ABCD3: variants seen among roughly 807,000 people sequenced by gnomAD.
The protein encoded by ABCD3 is ATP-binding cassette sub-family D member 3.
A neutral mutation model predicts 105.5 loss-of-function variants in ABCD3; 41 were observed. That is an observed-to-expected ratio of 0.39 (90% confidence interval 0.30 to 0.50). The LOEUF is 0.50. ABCD3 is among the 20% of genes least tolerant of loss of function. The pLI is 0.84. For synonymous variants in ABCD3, 258 were observed against 269.0 expected (o/e 0.96, Z 0.40); for missense variants, 622 against 806.3 (o/e 0.77, Z 2.77).
intron 1 of ABCD3, among the ~76,000 whole-genome samples, chr1:94,436,760 T>C (rs1659919635): frequency 6.6e-6 from 1 of 152,194 alleles, no homozygotes; most frequent in African/African-American, 2.4e-5. Context: ...GTTGTTACTA[T>C]TGTAATTGTT....
chr1:94,402,439 T>C, the ABCD3 span, among the ~76,000 whole-genome samples: 1 of 152,222 alleles, frequency 6.6e-6, no homozygotes, highest in Non-Finnish European at 1.5e-5. Flanking sequence ...TCTTTATGTA[T>C]GTGTGTGTTT....
intron 1 of ABCD3, 70 bp downstream of exon 1, chr1:94,418,658 A>G (rs1659123128): frequency 4.1e-6 from 6 of 1,475,414 alleles, no homozygotes; most frequent in East Asian, 2.5e-5. Flanking sequence ...CTCTCTCCCC[A>G]CCCGGCCGAC....
chr1:94,497,730 T>G (rs1649889938), intron 16 of ABCD3, among the ~76,000 whole-genome samples: 3 of 152,224 alleles, frequency 2.0e-5, no homozygotes. Context: ...GTTGCTGACT[T>G]GTACACTCAT....
the ABCD3 span, among the ~76,000 whole-genome samples, chr1:94,408,562 C>G: frequency 6.6e-6 from 1 of 151,984 alleles, no homozygotes; most frequent in Non-Finnish European, 1.5e-5. Flanking sequence ...CCACTGCACT[C>G]CAGCCTGGGT....
chr1:94,431,322 A>G (rs2100887682), intron 1 of ABCD3, among the ~76,000 whole-genome samples: 1 of 152,336 alleles, frequency 6.6e-6, no homozygotes, highest in East Asian at 1.9e-4. Flanking sequence ...GGTAGAAATC[A>G]ATCAACTACT....
chr1:94,400,873 G>C, the ABCD3 span, among the ~76,000 whole-genome samples: 4 of 152,170 alleles, frequency 2.6e-5, no homozygotes, highest in Non-Finnish European at 5.9e-5. Flanking sequence ...GAGAAGTAGA[G>C]CCTTTAAAGG....
chr1:94,442,615 AC>A (rs1163599224), intron 1 of ABCD3, among the ~76,000 whole-genome samples: 1 of 151,998 alleles, frequency 6.6e-6, no homozygotes, highest in Non-Finnish European at 1.5e-5. Flanking sequence ...TGCAACCCTC[AC>A]CCCGCCACCC....
chr1:94,516,768 A>G (rs1224257844), intron 22 of ABCD3, among the ~76,000 whole-genome samples: 1 of 151,880 alleles, frequency 6.6e-6, no homozygotes, highest in Non-Finnish European at 1.5e-5. Context: ...TACTAAATTA[A>G]AAACAAATAA....
chr1:94,489,944 G>A lies in ABCD3; in HGVS notation c.1291G>A (p.Gly431Arg). 6.2e-7 allele frequency: 1 copy of A among 1,613,056 alleles called. No individual in the cohort carries two copies. Residue 431 changes from glycine to arginine, a missense_variant, in exon 15 of 23, where the codon GGA becomes AGA. Transcript: ENST00000370214. ...AGTCATTCCCTTGATACCTGGTGCT[G>A]GAGAAATCATTATTGCAGATAACAT... ...VQVIPLIPGA[G>R]EIIIADNIIK... is the part of the protein sequence containing the mutation.
At chr1:94,479,823 C>T (rs1187519158) in intron 8 of ABCD3, among the ~76,000 whole-genome samples, 1 of 152,046 alleles carries the variant, frequency 6.6e-6, no homozygotes, top group African/African-American at 2.4e-5. Context: ...AGGTATGCTT[C>T]AAGCATACCT....
intron 13 of ABCD3, among the ~76,000 whole-genome samples, chr1:94,488,647 T>C (rs1002709923): frequency 2.6e-5 from 4 of 152,078 alleles, no homozygotes; most frequent in South Asian, 2.1e-4. Context: ...TTTTCCTCCT[T>C]CTTAGCTCCT....
chr1:94,499,057 G>A (rs776786497), intron 19 of ABCD3, 23 bp downstream of exon 19: 2 of 1,567,938 alleles, frequency 1.3e-6, no homozygotes, highest in South Asian at 1.1e-5. Context: ...TTATATCCTA[G>A]ATCCACTGAA....
At chr1:94,448,678 G>A (rs973317482) in intron 1 of ABCD3, among the ~76,000 whole-genome samples, 4 of 152,134 alleles carry the variant, frequency 2.6e-5, no homozygotes, top group African/African-American at 4.8e-5. Flanking sequence ...TGTGTTAAAC[G>A]TCACCTTTTG....
At chr1:94,418,113 G>A (rs993703723), upstream of ABCD3, among the ~76,000 whole-genome samples, 1 of 152,206 alleles carries the variant, frequency 6.6e-6, no homozygotes, top group African/African-American at 2.4e-5. Flanking sequence ...TGAAAGCCGG[G>A]GTGTGCGCGC....
intron 7 of ABCD3, among the ~76,000 whole-genome samples, chr1:94,476,579 G>C (rs981671757): frequency 2.6e-5 from 4 of 152,142 alleles, no homozygotes; most frequent in Non-Finnish European, 5.9e-5. Flanking sequence ...TAGATATACA[G>C]TTTTGAGACA....
the ABCD3 span, among the ~76,000 whole-genome samples, chr1:94,405,634 G>A: frequency 6.6e-6 from 1 of 152,148 alleles, no homozygotes; most frequent in Non-Finnish European, 1.5e-5. Flanking sequence ...AAAGTTGTGG[G>A]TGAGAAACTG....
chr1:94,478,347 G>T (rs761399794), intron 8 of ABCD3, 32 bp downstream of exon 8: 1 of 1,507,008 alleles, frequency 6.6e-7, no homozygotes, highest in East Asian at 2.3e-5. Context: ...CTTTTAAATT[G>T]ATATAATATA....
At chr1:94,491,154 T>C (rs1341606520) in intron 15 of ABCD3, 30 bp from the exon 16 acceptor site, 2 of 1,512,610 alleles carry the variant, frequency 1.3e-6, no homozygotes, top group Non-Finnish European at 9.2e-7. Context: ...TACTTTAAAG[T>C]AATTCTCTTT....
At chr1:94,405,565 A>G in the ABCD3 span, among the ~76,000 whole-genome samples, 2 of 152,134 alleles carry the variant, frequency 1.3e-5, no homozygotes, top group Non-Finnish European at 2.9e-5. Context: ...CGGCCTCCCA[A>G]AGTACTGGGA....
Sources: allele counts gnomAD v4.1 joint callset (sites outside exome capture counted in the v4.1 genomes callset), GRCh38; gene constraint gnomAD v4.1.1; transcripts MANE v1.5; gene names NCBI Gene and HGNC (gene_info 2026-07-23, HGNC 2026-07-21).